Variants in FHOD3 observed in about 807,000 individuals in gnomAD.
The protein encoded by FHOD3 is formin homology 2 domain containing 3.
Under a neutral mutation model 173.0 loss-of-function variants are expected in FHOD3, and 90 were observed. The observed-to-expected ratio is 0.52, with a 90% CI of 0.44 to 0.62. FHOD3 has a LOEUF of 0.62. Ranked by LOEUF, FHOD3 falls within the 20% of genes least tolerant of loss-of-function variation. FHOD3 has a pLI of 0.00. For missense variants in FHOD3, 1,945 were observed against 2,034.7 expected (o/e 0.96, Z 0.85); for synonymous variants, 828 against 823.0 (o/e 1.01, Z -0.10).
chr18:36,595,847 T>C (rs944671864), intron 7 of FHOD3, among the ~76,000 whole-genome samples: 4 of 152,240 alleles, frequency 2.6e-5, no homozygotes, highest in Admixed American at 2.6e-4. Flanking sequence ...CAGGTATTAT[T>C]ATCATCATCC....
chr18:36,632,063 G>C (rs1472705949), intron 10 of FHOD3, among the ~76,000 whole-genome samples: 11 of 152,014 alleles, frequency 7.2e-5, no homozygotes, highest in African/African-American at 2.7e-4. Flanking sequence ...GCACATACAC[G>C]TTTGTGAGCA....
chr18:36,709,713 C>T (rs1013420497), intron 18 of FHOD3: 3 of 316,710 alleles, frequency 9.5e-6, no homozygotes, highest in Admixed American at 4.6e-5. Flanking sequence ...CTCACTTCCC[C>T]CTGACTGTTC....
chr18:36,344,239 A>G (rs1414307090), intron 1 of FHOD3, among the ~76,000 whole-genome samples: 1 of 152,256 alleles, frequency 6.6e-6, no homozygotes. Flanking sequence ...AGATAGAAGC[A>G]CAGAAATGCA....
intron 3 of FHOD3, among the ~76,000 whole-genome samples, chr18:36,386,390 C>G (rs945586185): frequency 2.0e-5 from 3 of 152,188 alleles, no homozygotes; most frequent in Non-Finnish European, 4.4e-5. Context: ...CAGGTAGCGG[C>G]TCAGGGGCCT....
chr18:36,596,772 G>A (rs1220735042), intron 7 of FHOD3, among the ~76,000 whole-genome samples: 3 of 152,116 alleles, frequency 2.0e-5, no homozygotes, highest in African/African-American at 7.2e-5. Context: ...TTCCCAGGCT[G>A]AGGCAAGTTT....
chr18:36,702,686 T>G (rs2039654028), intron 17 of FHOD3, among the ~76,000 whole-genome samples: 1 of 152,182 alleles, frequency 6.6e-6, no homozygotes, highest in Non-Finnish European at 1.5e-5. Flanking sequence ...AGTTCAGAAC[T>G]TTCTACCACC....
chr18:36,604,740 C>T (rs1045616626), intron 8 of FHOD3, among the ~76,000 whole-genome samples: 3 of 152,052 alleles, frequency 2.0e-5, no homozygotes, highest in African/African-American at 7.2e-5. Flanking sequence ...AAACAGGTTC[C>T]AGAGGAAGAG....
intron 13 of FHOD3, 84 bp from the exon 14 acceptor site, chr18:36,657,991 A>C (rs2036533389): frequency 9.8e-7 from 1 of 1,021,326 alleles, no homozygotes. Context: ...TGCAAAAATT[A>C]AAATGGTTTG....
chr18:36,499,413 C>T (rs1365663678), intron 3 of FHOD3, among the ~76,000 whole-genome samples: 3 of 152,166 alleles, frequency 2.0e-5, no homozygotes, highest in African/African-American at 4.8e-5. Flanking sequence ...AGCCTATTGA[C>T]TTAAGAGTTA....
Position 36,779,510 on chromosome 18 carries a change from A to G in FHOD3, c.4849A>G (p.Thr1617Ala), listed in dbSNP as rs2043945819. 1 of 1,614,130 alleles carries G rather than the reference A, an allele frequency of 6.2e-7. No homozygotes were observed. The highest frequency in any genetic ancestry group is 2.2e-5 in the East Asian group (1 of 44,862). Residue 1617 changes from threonine (T) to alanine (A), a missense_variant, in exon 29 of 29, where the codon ACC becomes GCC. Thr to Ala is a moderately conservative substitution (Grantham distance 58). Coordinates refer to ENST00000590592, the MANE Select transcript of FHOD3 (RefSeq NM_001281740.3). ...EEARALGLVGTSELQL is the reference protein window; with the variant it reads ...EEARALGLVGASELQL ...AGCCAGAGCCCTGGGCTTGGTTGGCACCTCGGAGTTGCAGCTGTGACACTC... is the reference window on the plus strand; with the variant it reads ...AGCCAGAGCCCTGGGCTTGGTTGGCGCCTCGGAGTTGCAGCTGTGACACTC...
intron 10 of FHOD3, among the ~76,000 whole-genome samples, chr18:36,641,740 G>A (rs748457195): frequency 2.0e-5 from 3 of 152,094 alleles, no homozygotes; most frequent in Non-Finnish European, 4.4e-5. Flanking sequence ...TGGATCACTT[G>A]AAGTCAGGAG....
At chr18:36,453,296 T>A (rs929079832) in intron 3 of FHOD3, among the ~76,000 whole-genome samples, 3 of 152,226 alleles carry the variant, frequency 2.0e-5, no homozygotes, top group African/African-American at 7.2e-5. Context: ...GATTTTAATT[T>A]ACATGACAGT....
At chr18:36,670,225 G>C (rs2037442107) in intron 14 of FHOD3, among the ~76,000 whole-genome samples, 1 of 151,854 alleles carries the variant, frequency 6.6e-6, no homozygotes, top group Non-Finnish European at 1.5e-5. Context: ...GTTTTTTCAT[G>C]TTTCTTACGC....
intron 3 of FHOD3, among the ~76,000 whole-genome samples, chr18:36,469,476 A>G (rs531822615): frequency 1.5e-4 from 23 of 152,152 alleles, no homozygotes; most frequent in Non-Finnish European, 2.8e-4. Flanking sequence ...TCCCATGTAC[A>G]GCAGGCTGGC....
rs568260767 is a variant in FHOD3, at chr18:36,429,609, T to A, written c.337+56865T>A. On this transcript the variant is annotated intron_variant, in intron 3 of 28. Coordinates refer to ENST00000590592, the MANE Select transcript of FHOD3 (RefSeq NM_001281740.3). ...TTAGCTTGTTAGCACAGATAAGGAATTCTTAGGATTGGAGAACTAATCAGG... is the reference window on the plus strand; with the variant it reads ...TTAGCTTGTTAGCACAGATAAGGAAATCTTAGGATTGGAGAACTAATCAGG... 5.9e-5 allele frequency among the ~76,000 whole-genome samples: 9 copies of A among 152,288 alleles called. No individual in the cohort carries two copies. The South Asian group carries it at 1.9e-3, about 32-fold the overall frequency.
chr18:36,357,869 T>C (rs1289467802), intron 2 of FHOD3, among the ~76,000 whole-genome samples: 1 of 152,166 alleles, frequency 6.6e-6, no homozygotes, highest in African/African-American at 2.4e-5. Flanking sequence ...TTTTGTTTTC[T>C]TCTTTCTTAT....
At chr18:36,671,627 C>T (rs1300041111) in intron 14 of FHOD3, among the ~76,000 whole-genome samples, 1 of 152,064 alleles carries the variant, frequency 6.6e-6, no homozygotes, top group East Asian at 1.9e-4. Flanking sequence ...TAAAGAGAGA[C>T]AAAAGAAAAA....
Position 36,403,971 on chromosome 18 carries a change from G to A in FHOD3, c.337+31227G>A, listed in dbSNP as rs535630808. 2.0e-5 allele frequency among the ~76,000 whole-genome samples: 3 copies of A among 152,334 alleles called. No homozygotes were observed. In the South Asian group the frequency reaches 6.2e-4, roughly 32 times the overall value. ...AGCTGGGGCCTTGCTCTGTGTGAAG[G>A]CTTTCCTTGTGGGATCATATTTCTA... On this transcript the variant is annotated intron_variant, in intron 3 of 28. Coordinates refer to ENST00000590592, the MANE Select transcript of FHOD3 (RefSeq NM_001281740.3).
At chr18:36,408,050 C>T (rs779362120) in intron 3 of FHOD3, among the ~76,000 whole-genome samples, 2 of 152,148 alleles carry the variant, frequency 1.3e-5, no homozygotes, top group African/African-American at 2.4e-5. Context: ...TTCCTGTGGG[C>T]GGAGACCCCT....
Sources: gnomAD v4.1 joint callset for allele counts (sites outside exome capture counted in the v4.1 genomes callset) on GRCh38, gnomAD v4.1.1 for gene constraint, MANE v1.5 for transcripts, NCBI Gene and HGNC (gene_info 2026-07-23, HGNC 2026-07-21) for gene names.